KLHDC2: variants seen among roughly 807,000 people sequenced by gnomAD.
KLHDC2 encodes kelch domain containing 2, also known as kelch domain-containing protein 2.
KLHDC2 carries 38 observed loss-of-function variants against 62.3 expected under a neutral mutation model. The ratio of observed to expected loss-of-function variants is 0.61; its 90% CI spans 0.47 to 0.80. KLHDC2 has a LOEUF of 0.80. Ranked by LOEUF, KLHDC2 falls within the 30% of genes least tolerant of loss-of-function variation. KLHDC2 has a pLI of 0.00. For synonymous variants in KLHDC2, 159 were observed against 161.0 expected, an observed-to-expected ratio of 0.99 and a Z score of 0.09; for missense variants, 430 against 495.3, an observed-to-expected ratio of 0.87 and a Z score of 1.25.
At chr14:49,782,226 C>A in intron 10 of KLHDC2, 144 bp from the exon 11 acceptor site, 1 of 541,652 alleles carries the variant, frequency 1.8e-6, no homozygotes, top group Admixed American at 3.6e-5. Context: ...TGCTACTTTC[C>A]CTTAAGATTT....
chr14:49,777,713 C>T (rs901258229), intron 3 of KLHDC2, 126 bp from the exon 4 acceptor site: 130 of 567,120 alleles, frequency 2.3e-4, no homozygotes, highest in Middle Eastern at 3.5e-4. Context: ...GGCAGCCAGT[C>T]TGCAGTCACA....
chr14:49,778,002 T>G, intron 4 of KLHDC2, 48 bp downstream of exon 4: 1 of 1,188,476 alleles, frequency 8.4e-7, no homozygotes, highest in Non-Finnish European at 1.2e-6. Flanking sequence ...TAAAGTGGTT[T>G]ACCATTCAGG....
In KLHDC2 at chr14:49,768,497, C is replaced by A. The variant is rs778293336; in HGVS notation, c.29C>A (p.Ala10Asp). The change falls in exon 1 of 13, where the codon GCT becomes GAT. Residue 10 changes from alanine to aspartate, a missense_variant. By Grantham distance (126) the Ala-to-Asp change is moderately radical. Transcript: ENST00000298307. MADGNEDLR[A>D]DDLPGPAFES... ...GCTGATGGCAACGAGGATCTGCGGG[C>A]TGACGACTTGCCTGGGCCAGCCTTC... 1.2e-6 allele frequency: 2 copies of A among 1,610,014 alleles called. No homozygotes were observed. The highest frequency in any genetic ancestry group is 1.7e-6 in the Non-Finnish European group (2 of 1,178,664).
In KLHDC2 at chr14:49,785,340, G is replaced by A. The variant is rs1421505279; in HGVS notation, c.*2387G>A. The stretch of plus-strand genomic sequence containing the variant: ...GTTTTCCTAAAAAGGGAAAATAACA[G>A]TTACAAAGGCAATTTATACCGCCCT... On this transcript the variant is annotated 3_prime_UTR_variant, in exon 13 of 13. Transcript: ENST00000298307. 1 of 1,558,356 alleles carries A rather than the reference G, an allele frequency of 6.4e-7. No individual in the cohort carries two copies. Among genetic ancestry groups the A allele is most frequent in the Non-Finnish European group, 8.9e-7 (1 of 1,129,650 alleles).
chr14:49,780,758 A>G lies in KLHDC2; in HGVS notation c.939A>G (p.Pro313=), dbSNP rs1217946581. 1 of 1,598,992 alleles carries G rather than the reference A, an allele frequency of 6.3e-7. No homozygotes were observed. Among genetic ancestry groups the G allele is most frequent in the Admixed American group, 1.7e-5 (1 of 59,994 alleles). Residue 313 remains proline, a synonymous_variant, in exon 10 of 13, where the codon CCA becomes CCG. Coordinates refer to ENST00000298307, the MANE Select transcript of KLHDC2 (RefSeq NM_014315.3). The part of the protein sequence containing the change: ...SKNEWIQFNH[P]YTEKPRLWHT... Reference sequence around the variant, plus strand: ...ATGAATGGATACAATTTAATCATCCATATACCGAAAAACCAAGGTATTTAA... The same window carrying G: ...ATGAATGGATACAATTTAATCATCCGTATACCGAAAAACCAAGGTATTTAA...
In KLHDC2 at chr14:49,768,456, G is replaced by C. The variant is rs1889589459; in HGVS notation, c.-13G>C. 1.2e-6 allele frequency: 2 copies of C among 1,606,732 alleles called. No individual in the cohort carries two copies. Among genetic ancestry groups the C allele is most frequent in the Non-Finnish European group, 1.7e-6 (2 of 1,177,368 alleles). ...GTGTGGGCATTGTTGGTTAGCAAAA[G>C]TGCAGCCTCAAGATGGCTGATGGCA... is the stretch of plus-strand genomic sequence containing the variant. On this transcript the variant is annotated 5_prime_UTR_variant, in exon 1 of 13. Coordinates refer to ENST00000298307, the MANE Select transcript of KLHDC2 (RefSeq NM_014315.3).
chr14:49,768,915 C>T (rs1889602225), intron 1 of KLHDC2: 3 of 390,432 alleles, frequency 7.7e-6, no homozygotes, highest in Admixed American at 9.7e-5. Context: ...CCGGGGAAGG[C>T]CCTGTTAATG....
chr14:49,770,236 C>A (rs1238103642), intron 1 of KLHDC2, among the ~76,000 whole-genome samples: 1 of 152,152 alleles, frequency 6.6e-6, no homozygotes, highest in Admixed American at 6.5e-5. Flanking sequence ...GGTTCTGAAA[C>A]AGACTGCCCT....
rs780860212 is a variant in KLHDC2, at chr14:49,768,593, G to A, written c.125G>A (p.Arg42His). 8.7e-6 allele frequency: 14 copies of A among 1,601,656 alleles called. No homozygotes were observed. In the East Asian group the frequency reaches 2.3e-4, roughly 26 times the overall value. Residue 42 changes from arginine (R) to histidine (H), a missense_variant, in exon 1 of 13, where the codon CGC becomes CAC. Transcript: ENST00000298307. ...GGCCACGTAGCCGTCAGCGACGGGC[G>A]CCACATGTTCGTCTGGGGCGGCTAC... ...RSGHVAVSDG[R>H]HMFVWGGYKS...
At chr14:49,777,995 A>C in intron 4 of KLHDC2, 41 bp downstream of exon 4, 1 of 1,261,156 alleles carries the variant, frequency 7.9e-7, no homozygotes, top group Non-Finnish European at 1.1e-6. Flanking sequence ...TTATGTGTAA[A>C]GTGGTTTACC....
At chr14:49,776,429 A>T (rs1889774242) in intron 3 of KLHDC2, among the ~76,000 whole-genome samples, 1 of 152,176 alleles carries the variant, frequency 6.6e-6, no homozygotes, top group South Asian at 2.1e-4. Flanking sequence ...CTGGATGTGA[A>T]CCCTTTAAAG....
chr14:49,773,326 A>G (rs1230581149), intron 2 of KLHDC2, among the ~76,000 whole-genome samples: 2 of 145,706 alleles, frequency 1.4e-5, no homozygotes, highest in East Asian at 4.4e-4. Flanking sequence ...AGGCAGAAGA[A>G]TGGCGTGAAC....
At chr14:49,778,327 G>T (rs1250836220) in intron 5 of KLHDC2, 68 bp downstream of exon 5, 1 of 1,357,654 alleles carries the variant, frequency 7.4e-7, no homozygotes, top group Non-Finnish European at 1.0e-6. Context: ...TATAAGTTTT[G>T]TGCATTTTTC....
Position 49,783,994 on chromosome 14 carries a change from C to T in KLHDC2, c.*1041C>T, listed in dbSNP as rs949915882. The T allele has an allele frequency of 3.3e-5, 5 of 151,940 alleles. No individual in the cohort carries two copies. Among genetic ancestry groups the T allele is most frequent in the African/African-American group, 9.7e-5 (4 of 41,372 alleles). 9.4% of individuals were successfully genotyped at this position (151,940 alleles called of 1,614,324 possible). On this transcript the variant is annotated 3_prime_UTR_variant, in exon 13 of 13. Transcript: ENST00000298307. ...TTAGATGTTATATACAGTAGACTTA[C>T]CAAGTCAATAGTTTAAGCAATCAAG... is the stretch of plus-strand genomic sequence containing the variant.
chr14:49,783,194 G>T lies in KLHDC2; in HGVS notation c.*241G>T. ...GTTGGGCTTTTTACCCTGAAGAATG[G>T]TTGCTACATTTTCTTTTCAGTAACT... On this transcript the variant is annotated 3_prime_UTR_variant, in exon 13 of 13. Coordinates refer to ENST00000298307, the MANE Select transcript of KLHDC2 (RefSeq NM_014315.3). The T allele has an allele frequency of 3.1e-6, 1 of 319,098 alleles. No individual in the cohort carries two copies. The highest frequency in any genetic ancestry group is 5.7e-6 in the Non-Finnish European group (1 of 176,436). The allele number at this position is 319,098 out of a possible 1,614,324, so 19.8% of individuals were successfully genotyped here.
intron 12 of KLHDC2, 21 bp downstream of exon 12, chr14:49,782,615 C>A: frequency 6.4e-7 from 1 of 1,566,966 alleles, no homozygotes; most frequent in South Asian, 1.2e-5. Context: ...TTGTACTTGG[C>A]ACTTAGATTA....
In KLHDC2 at chr14:49,777,868, C is replaced by A; in HGVS notation, c.381C>A (p.Asp127Glu). Reference protein sequence around the residue: ...KFYMLDSRSTDRVLQWERIDC... With the variant: ...KFYMLDSRSTERVLQWERIDC... ...ACATGCTGGATTCAAGGTCTACAGA[C>A]AGAGTGTTACAGTGGGAAAGAATTG... Residue 127 changes from aspartate (D) to glutamate (E), a missense_variant, in exon 4 of 13, where the codon GAC becomes GAA. Coordinates refer to ENST00000298307, the MANE Select transcript of KLHDC2 (RefSeq NM_014315.3). 6.2e-7 allele frequency: 1 copy of A among 1,606,894 alleles called. No individual in the cohort carries two copies.
chr14:49,768,806 C>T (rs1889599600), intron 1 of KLHDC2, 185 bp downstream of exon 1: 4 of 556,696 alleles, frequency 7.2e-6, no homozygotes, highest in South Asian at 4.7e-5. Flanking sequence ...CTCTCGAGTA[C>T]CCCAACCCGT....
At position 49,785,639 on chromosome 14, in the gene KLHDC2, T is replaced by C. The variant is rs997409274; in HGVS notation, c.*2686T>C. ...GTTCACGCCTATAATCCTAGGACTC[T>C]GGAAGGCTCAGGCTGAGGCGGGTGG... On this transcript the variant is annotated 3_prime_UTR_variant, in exon 13 of 13. Coordinates refer to ENST00000298307, the MANE Select transcript of KLHDC2 (RefSeq NM_014315.3). 7 of 265,374 alleles carry C rather than the reference T, an allele frequency of 2.6e-5. No homozygotes were observed. The highest frequency in any genetic ancestry group is 1.1e-4 in the African/African-American group (5 of 44,870). The allele number at this position is 265,374 out of a possible 1,614,324, so 16.4% of individuals were successfully genotyped here. A position where few individuals can be genotyped will look rare whatever the true frequency, so the allele number is the denominator to read the frequency against.
Sources: gnomAD v4.1 joint callset for allele counts (sites outside exome capture counted in the v4.1 genomes callset) on GRCh38, gnomAD v4.1.1 for gene constraint, MANE v1.5 for transcripts, NCBI Gene and HGNC (gene_info 2026-07-23, HGNC 2026-07-21) for gene names.